The following NLGN4X variants were observed in gnomAD, a reference collection of about 807,000 sequenced individuals.
NLGN4X encodes neuroligin 4 X-linked, also known as neuroligin-4, X-linked.
In NLGN4X, 3 loss-of-function variants were observed where a neutral mutation model predicts 40.3. That is an observed-to-expected ratio of 0.07 (90% CI 0.03 to 0.19). NLGN4X has a LOEUF of 0.19. Ranked by LOEUF, NLGN4X falls within the 10% of genes least tolerant of loss-of-function variation. The pLI is 1.00. For missense variants in NLGN4X, 382 were observed against 708.3 expected (o/e 0.54, Z 5.23); for synonymous variants, 270 against 306.8 (o/e 0.88, Z 1.25).
At chrX:6,043,515 A>C (rs995580338) in intron 2 of NLGN4X, among the ~76,000 whole-genome samples, 2 of 111,693 alleles carry the variant, frequency 1.8e-5, no homozygotes, top group African/African-American at 3.3e-5. Context: ...GCAGCTGATT[A>C]ATAGGTGGAA....
chrX:6,147,953 G>T (rs1475214174), intron 2 of NLGN4X, among the ~76,000 whole-genome samples: 2 of 111,911 alleles, frequency 1.8e-5, no homozygotes, highest in Admixed American at 9.5e-5. Flanking sequence ...AAGTTTAGTA[G>T]ATCATGATGC....
intron 2 of NLGN4X, among the ~76,000 whole-genome samples, chrX:6,098,675 T>C (rs980054744): frequency 2.7e-5 from 3 of 111,854 alleles, no homozygotes; most frequent in Non-Finnish European, 3.8e-5. Context: ...TTGCCGCTGT[T>C]CTCAAGCCAC....
At chrX:6,175,025 T>TA (rs2040693610) in intron 1 of NLGN4X, among the ~76,000 whole-genome samples, 2 of 111,990 alleles carry the variant, frequency 1.8e-5, no homozygotes, top group Admixed American at 1.9e-4. Flanking sequence ...ATCTACAACT[T>TA]AATAAATATG....
intron 1 of NLGN4X, among the ~76,000 whole-genome samples, chrX:6,171,669 G>C (rs2040608681): frequency 9.1e-6 from 1 of 109,927 alleles, no homozygotes; most frequent in Non-Finnish European, 1.9e-5. Flanking sequence ...TTTTTTCTTA[G>C]AATTGTGAAA....
intron 2 of NLGN4X, among the ~76,000 whole-genome samples, chrX:6,104,369 T>C (rs1380741862): frequency 8.9e-6 from 1 of 112,394 alleles, no homozygotes; most frequent in East Asian, 2.8e-4. Context: ...TATGATGAAA[T>C]ATGTTATCAA....
chrX:6,210,608 A>T (rs1176985504), intron 1 of NLGN4X, among the ~76,000 whole-genome samples: 3 of 112,134 alleles, frequency 2.7e-5, no homozygotes. Flanking sequence ...GTTTGCTCCT[A>T]AGGAGTTAGT....
At chrX:5,923,901 C>T (rs1421646742) in intron 3 of NLGN4X, among the ~76,000 whole-genome samples, 1 of 111,692 alleles carries the variant, frequency 9.0e-6, no homozygotes, top group Non-Finnish European at 1.9e-5. Context: ...CCAACCATTC[C>T]TACAATTGAT....
intron 2 of NLGN4X, among the ~76,000 whole-genome samples, chrX:6,032,249 C>T (rs1407418468): frequency 1.2e-5 from 1 of 80,154 alleles, no homozygotes; most frequent in Non-Finnish European, 2.3e-5. Context: ...AAAAAAAATT[C>T]TTCTAAGGTG....
In NLGN4X at chrX:5,954,391, CTT is replaced by C. The variant is rs764108500; in HGVS notation, c.626-45154_626-45153del. ...GGCAGGCACCAGCATGCTTGGCTAA[CTT>C]TTTTTTTTTTTTTTTTTTTTTTTAA... On this transcript the variant is annotated intron_variant, in intron 3 of 5. Transcript: ENST00000381095. Among the ~76,000 whole-genome samples the C allele has an allele frequency of 5.0e-3, 281 of 55,841 alleles. 1 individual carries two copies. The highest frequency in any genetic ancestry group is 0.01 in the Middle Eastern group (1 of 96). 48.5% of individuals were successfully genotyped at this position (55,841 alleles called of 115,157 possible).
chrX:6,146,213 C>T (rs1359900175), intron 2 of NLGN4X, among the ~76,000 whole-genome samples: 1 of 112,059 alleles, frequency 8.9e-6, no homozygotes, highest in Non-Finnish European at 1.9e-5. Flanking sequence ...ACACTTAACA[C>T]CCAAGTAGTA....
intron 1 of NLGN4X, among the ~76,000 whole-genome samples, chrX:6,188,246 C>G (rs1260696563): frequency 8.9e-6 from 1 of 112,212 alleles, no homozygotes; most frequent in African/African-American, 3.2e-5. Context: ...TTAAACTAAA[C>G]TTTATTTTCC....
At chrX:6,008,226 A>T (rs369985441) in intron 3 of NLGN4X, among the ~76,000 whole-genome samples, 312 of 112,160 alleles carry the variant, frequency 2.8e-3, no homozygotes, top group African/African-American at 9.7e-3. Flanking sequence ...AAACTCTGTA[A>T]CCATGACACG....
intron 2 of NLGN4X, among the ~76,000 whole-genome samples, chrX:6,099,493 C>T (rs1389622009): frequency 2.7e-5 from 3 of 112,254 alleles, no homozygotes; most frequent in African/African-American, 9.7e-5. Flanking sequence ...CAGCAGAAAA[C>T]TTGTCCTCAT....
rs758019203 is a variant in NLGN4X at position 6,116,290 on chromosome X, C to CAAAAAAAA, written c.472+34697_472+34704dup. 5.6e-3 allele frequency among the ~76,000 whole-genome samples: 91 copies of CAAAAAAAA among 16,171 alleles called. 23 individuals carry two copies. Among genetic ancestry groups the CAAAAAAAA allele is most frequent in the Admixed American group, 8.8e-3 (6 of 684 alleles). The allele number at this position is 16,171 out of a possible 115,157, so 14.0% of individuals were successfully genotyped here. Reference sequence around the variant, plus strand: ...CCTGGGCGACAGACCGAGACTCTGTCAAAAAAAAAAAAAAAAAAAAAAAAA... The same window carrying CAAAAAAAA: ...CCTGGGCGACAGACCGAGACTCTGTCAAAAAAAAAAAAAAAAAAAAAAAAAAAAAAAAA... On this transcript the variant is annotated intron_variant, in intron 2 of 5. Coordinates refer to ENST00000381095, the MANE Select transcript of NLGN4X (RefSeq NM_181332.3).
intron 2 of NLGN4X, among the ~76,000 whole-genome samples, chrX:6,032,341 G>A (rs939965512): frequency 1.0e-5 from 1 of 97,326 alleles, no homozygotes; most frequent in Non-Finnish European, 2.0e-5. Flanking sequence ...ATAACATTTG[G>A]AAGGGAGAAA....
intron 3 of NLGN4X, among the ~76,000 whole-genome samples, chrX:5,965,059 G>A (rs776776275): frequency 1.8e-5 from 2 of 111,689 alleles, no homozygotes; most frequent in African/African-American, 6.5e-5. Flanking sequence ...TGGATCGTGG[G>A]GTAGTGAATA....
rs116030077 is a variant in NLGN4X, at chrX:5,976,274, C to T, written c.625+53006G>A. Among the ~76,000 whole-genome samples the T allele has an allele frequency of 2.2e-3, 242 of 112,316 alleles. 2 individuals are homozygous for T. The highest frequency in any genetic ancestry group is 7.4e-3 in the African/African-American group (228 of 30,952). On this transcript the variant is annotated intron_variant, in intron 3 of 5. Transcript: ENST00000381095. ...TTGGCAAAGAGAAACGGACTATGTT[C>T]TTCCTAGTGAACAAAGGTCACCAAA...
intron 3 of NLGN4X, among the ~76,000 whole-genome samples, chrX:5,989,906 T>C (rs986478096): frequency 9.9e-5 from 11 of 111,482 alleles, no homozygotes; most frequent in African/African-American, 3.3e-4. Context: ...TAACAACAAT[T>C]AAAATAAAAT....
intron 3 of NLGN4X, among the ~76,000 whole-genome samples, chrX:5,956,579 G>A (rs2034499574): frequency 9.0e-6 from 1 of 111,539 alleles, no homozygotes; most frequent in African/African-American, 3.3e-5. Context: ...CCTGAAATGT[G>A]TAGAATTATG....
Sources: gnomAD v4.1 joint callset for allele counts (sites outside exome capture counted in the v4.1 genomes callset) on GRCh38, gnomAD v4.1.1 for gene constraint, MANE v1.5 for transcripts, NCBI Gene and HGNC (gene_info 2026-07-23, HGNC 2026-07-21) for gene names.